SLC35F4: variants seen among roughly 807,000 people sequenced by gnomAD.
SLC35F4 encodes chromosome 14 open reading frame 36.
Under a neutral mutation model 44.2 loss-of-function variants are expected in SLC35F4, and 24 were observed. The observed-to-expected ratio is 0.54, with a 90% confidence interval of 0.39 to 0.76. SLC35F4 has a LOEUF of 0.76. Ranked by LOEUF, SLC35F4 falls within the 30% of genes least tolerant of loss-of-function variation. The pLI is 0.00. For synonymous variants in SLC35F4, 238 were observed against 223.6 expected (o/e 1.06, Z -0.57); for missense variants, 562 against 586.1 (o/e 0.96, Z 0.42).
At chr14:57,763,371 T>C (rs1566832010) in intron 1 of SLC35F4, among the ~76,000 whole-genome samples, 1 of 152,182 alleles carries the variant, frequency 6.6e-6, no homozygotes, top group Non-Finnish European at 1.5e-5. Context: ...TAGAGAATAT[T>C]TTTAACTCAT....
intron 4 of SLC35F4, chr14:57,580,510 C>G (rs1229022077): frequency 5.1e-6 from 2 of 393,562 alleles, no homozygotes; most frequent in Non-Finnish European, 9.8e-6. Flanking sequence ...TGAGATCTGG[C>G]TCCTTAAATC....
At chr14:57,700,956 C>A (rs527790263) in intron 1 of SLC35F4, among the ~76,000 whole-genome samples, 11 of 152,138 alleles carry the variant, frequency 7.2e-5, no homozygotes, top group African/African-American at 2.2e-4. Context: ...TTTTTATATC[C>A]TTATTCCATA....
intron 1 of SLC35F4, among the ~76,000 whole-genome samples, chr14:57,889,439 T>C (rs996069871): frequency 6.6e-6 from 1 of 152,226 alleles, no homozygotes; most frequent in East Asian, 1.9e-4. Flanking sequence ...ACAGGGGAAG[T>C]TGGCCTGCAG....
Position 57,865,896 on chromosome 14 carries a change from A to T in SLC35F4, c.-71T>A, listed in dbSNP as rs1888126822. 4 of 1,110,960 alleles carry T rather than the reference A, an allele frequency of 3.6e-6. No individual in the cohort carries two copies. The highest frequency in any genetic ancestry group is 1.7e-5 in the African/African-American group (1 of 60,114). The allele number at this position is 1,110,960 out of a possible 1,614,324, so 68.8% of individuals were successfully genotyped here. ...CAGCGCGGGGCCCGGGAGCTGGTGCAGGTGCCGGAGCCGCTGGTGCTGATC... is the reference window on the plus strand; with the variant it reads ...CAGCGCGGGGCCCGGGAGCTGGTGCTGGTGCCGGAGCCGCTGGTGCTGATC... On this transcript the variant is annotated 5_prime_UTR_variant, in exon 1 of 8. Transcript: ENST00000556826.
At chr14:57,794,189 A>C (rs968915223) in intron 1 of SLC35F4, among the ~76,000 whole-genome samples, 2 of 152,166 alleles carry the variant, frequency 1.3e-5, no homozygotes, top group African/African-American at 4.8e-5. Context: ...CAAATGCAAC[A>C]AAAATAAGTA....
intron 1 of SLC35F4, among the ~76,000 whole-genome samples, chr14:57,901,112 C>T (rs762132304): frequency 9.9e-5 from 15 of 152,158 alleles, no homozygotes; most frequent in African/African-American, 3.4e-4. Flanking sequence ...GACAGTGTGG[C>T]GATTCTTCAA....
chr14:57,851,324 G>A (rs1374177255), intron 1 of SLC35F4, among the ~76,000 whole-genome samples: 2 of 152,152 alleles, frequency 1.3e-5, no homozygotes, highest in African/African-American at 4.8e-5. Context: ...TTTATAGCCT[G>A]TACTTGTGAA....
At chr14:57,744,326 C>T (rs2076699477) in intron 1 of SLC35F4, among the ~76,000 whole-genome samples, 1 of 152,070 alleles carries the variant, frequency 6.6e-6, no homozygotes. Context: ...TCTAGAAAAC[C>T]CCTTTGTCTC....
At chr14:57,887,876 C>T (rs1888683759) in intron 1 of SLC35F4, among the ~76,000 whole-genome samples, 1 of 152,202 alleles carries the variant, frequency 6.6e-6, no homozygotes, top group African/African-American at 2.4e-5. Context: ...CAGCAACACA[C>T]ACACACATGC....
At chr14:57,938,291 G>A (rs967319623) in intron 1 of SLC35F4, among the ~76,000 whole-genome samples, 1 of 151,952 alleles carries the variant, frequency 6.6e-6, no homozygotes, top group Non-Finnish European at 1.5e-5. Context: ...AAAACAAAGG[G>A]GTAATATAAG....
intron 1 of SLC35F4, 58 bp downstream of exon 1, chr14:57,865,665 C>A (rs1888101412): frequency 1.4e-6 from 2 of 1,417,072 alleles, no homozygotes; most frequent in South Asian, 1.3e-5. Context: ...CCCCGCGGCA[C>A]CCCTGCGCGC....
chr14:57,795,641 A>C (rs2078036572), intron 1 of SLC35F4, among the ~76,000 whole-genome samples: 1 of 152,214 alleles, frequency 6.6e-6, no homozygotes, highest in Non-Finnish European at 1.5e-5. Context: ...AGTAGATGGC[A>C]AAAACTCCTT....
At chr14:57,911,645 C>T (rs1395183175) in intron 1 of SLC35F4, among the ~76,000 whole-genome samples, 3 of 151,980 alleles carry the variant, frequency 2.0e-5, no homozygotes, top group African/African-American at 7.2e-5. Context: ...CCCACATCGT[C>T]ATAGCGTATA....
At chr14:57,757,148 C>T (rs2077013262) in intron 1 of SLC35F4, among the ~76,000 whole-genome samples, 1 of 152,060 alleles carries the variant, frequency 6.6e-6, no homozygotes, top group African/African-American at 2.4e-5. Context: ...TATGAAGTGA[C>T]CTGCTTTATC....
chr14:57,595,341 A>G (rs1238885244), intron 1 of SLC35F4, among the ~76,000 whole-genome samples: 2 of 152,222 alleles, frequency 1.3e-5, no homozygotes, highest in Non-Finnish European at 2.9e-5. Flanking sequence ...CAGTCATGAC[A>G]TGCTACCAAC....
At chr14:57,846,508 G>A (rs924080823) in intron 1 of SLC35F4, among the ~76,000 whole-genome samples, 2 of 151,992 alleles carry the variant, frequency 1.3e-5, no homozygotes, top group South Asian at 2.1e-4. Context: ...AATTTTCATT[G>A]CATTTTAGCA....
At chr14:57,761,669 A>T (rs987697212) in intron 1 of SLC35F4, among the ~76,000 whole-genome samples, 1 of 152,210 alleles carries the variant, frequency 6.6e-6, no homozygotes, top group Non-Finnish European at 1.5e-5. Flanking sequence ...ATTTTAAAAA[A>T]ATAGAAAACA....
chr14:57,602,450 T>C (rs1166098379), intron 1 of SLC35F4: 2 of 152,168 alleles, frequency 1.3e-5, no homozygotes, highest in African/African-American at 4.8e-5. Context: ...TAATCCAAAA[T>C]GTAGTCTTGA....
intron 1 of SLC35F4, among the ~76,000 whole-genome samples, chr14:57,827,649 T>C (rs957367113): frequency 6.6e-6 from 1 of 152,130 alleles, no homozygotes. Context: ...TACTGACCCG[T>C]TGTCCACTGA....
Sources: gnomAD v4.1 joint callset for allele counts (sites outside exome capture counted in the v4.1 genomes callset) on GRCh38, gnomAD v4.1.1 for gene constraint, MANE v1.5 for transcripts, NCBI Gene and HGNC (gene_info 2026-07-23, HGNC 2026-07-21) for gene names.